GPHN: variants seen among roughly 807,000 people sequenced by gnomAD.
GPHN encodes the protein gephyrin.
Under a neutral mutation model 95.5 loss-of-function variants are expected in GPHN, and 17 were observed. The observed-to-expected ratio is 0.18, with a 90% CI of 0.12 to 0.27. The LOEUF (loss-of-function observed/expected upper bound fraction) is 0.27. GPHN is among the 10% of genes least tolerant of loss of function. GPHN has a pLI of 1.00. For synonymous variants in GPHN, 320 were observed against 322.5 expected (o/e 0.99, Z 0.08); for missense variants, 660 against 978.1 (o/e 0.67, Z 4.34).
the GPHN span, among the ~76,000 whole-genome samples, chr14:67,336,026 C>A: frequency 3.9e-5 from 6 of 152,118 alleles, no homozygotes; most frequent in African/African-American, 1.4e-4. Context: ...TTATTAAAAC[C>A]AACAACTAAG....
the GPHN span, chr14:67,651,447 T>C: frequency 6.2e-7 from 1 of 1,613,844 alleles, no homozygotes; most frequent in African/African-American, 1.3e-5. Flanking sequence ...TCCAGTAAGA[T>C]GATAATGGAA....
At chr14:66,670,571 T>A (rs553155105) in intron 1 of GPHN, among the ~76,000 whole-genome samples, 73 of 152,274 alleles carry the variant, frequency 4.8e-4, no homozygotes, top group Middle Eastern at 3.4e-3. Flanking sequence ...GGTGGGTGGA[T>A]TGCTTGAGCT....
chr14:67,169,993 G>C (rs575832640), intron 21 of GPHN, among the ~76,000 whole-genome samples: 3 of 152,240 alleles, frequency 2.0e-5, no homozygotes, highest in African/African-American at 7.2e-5. Flanking sequence ...CAGGAGAATC[G>C]CTTGAACCCG....
the GPHN span, among the ~76,000 whole-genome samples, chr14:67,620,663 G>A: frequency 6.6e-6 from 1 of 152,066 alleles, no homozygotes; most frequent in East Asian, 1.9e-4. Context: ...TCTCTGGCCC[G>A]AGCCAGCCCC....
intron 16 of GPHN, among the ~76,000 whole-genome samples, chr14:67,119,643 A>G (rs2078895142): frequency 6.6e-6 from 1 of 152,038 alleles, no homozygotes; most frequent in Non-Finnish European, 1.5e-5. Flanking sequence ...ATACAAAATT[A>G]GCCGGGCGTG....
chr14:67,236,526 G>T, the GPHN span, among the ~76,000 whole-genome samples: 1 of 152,130 alleles, frequency 6.6e-6, no homozygotes, highest in African/African-American at 2.4e-5. Context: ...ACAATGCTTA[G>T]CCCATTAAAT....
chr14:66,812,326 C>A (rs1030113652), intron 3 of GPHN, among the ~76,000 whole-genome samples: 1 of 152,090 alleles, frequency 6.6e-6, no homozygotes, highest in African/African-American at 2.4e-5. Context: ...TTAAAAAAAT[C>A]AATATTATAA....
In GPHN at chr14:66,875,067, A is replaced by T. The variant is rs1231484962; in HGVS notation, c.295-4872A>T. 2.0e-5 allele frequency among the ~76,000 whole-genome samples: 3 copies of T among 152,184 alleles called. No individual in the cohort carries two copies. The East Asian group carries it at 5.8e-4, about 29-fold the overall frequency. On this transcript the variant is annotated intron_variant, in intron 4 of 22. Coordinates refer to ENST00000478722, the MANE Select transcript of GPHN (RefSeq NM_020806.5). ...GCTAATGGCAGATCTCTCGGCAGAA[A>T]CCCAACAAGCCAGAAGAGAGTGGGT...
the GPHN span, among the ~76,000 whole-genome samples, chr14:67,424,513 T>C: frequency 7.7e-4 from 111 of 143,676 alleles, 2 homozygotes; most frequent in South Asian, 0.023. Context: ...GTGGGGGGAG[T>C]GCTTGAGCCT....
intron 1 of GPHN, among the ~76,000 whole-genome samples, chr14:66,608,366 G>A (rs1308543005): frequency 6.6e-6 from 1 of 151,814 alleles, no homozygotes; most frequent in African/African-American, 2.4e-5. Context: ...ATATGATTTT[G>A]ATTTTTTTGA....
chr14:66,641,944 TAAG>T (rs1476494835), intron 1 of GPHN, among the ~76,000 whole-genome samples: 2 of 152,096 alleles, frequency 1.3e-5, no homozygotes, highest in Non-Finnish European at 2.9e-5. Flanking sequence ...AAGGCAATCT[TAAG>T]GAGTAACAAA....
the GPHN span, among the ~76,000 whole-genome samples, chr14:67,484,536 C>A: frequency 6.6e-6 from 1 of 152,186 alleles, no homozygotes; most frequent in Non-Finnish European, 1.5e-5. Context: ...TCCCTGTAAT[C>A]ACACATCTTA....
chr14:66,775,044 G>C (rs761572705), intron 2 of GPHN, among the ~76,000 whole-genome samples: 4 of 151,222 alleles, frequency 2.6e-5, no homozygotes, highest in Admixed American at 6.6e-5. Flanking sequence ...TTTTATTTTA[G>C]TTCAGGGTGT....
intron 1 of GPHN, among the ~76,000 whole-genome samples, chr14:66,561,446 C>T (rs909711462): frequency 1.3e-5 from 2 of 151,982 alleles, no homozygotes; most frequent in African/African-American, 4.8e-5. Context: ...TGTATTCTGT[C>T]GAATCCTGAG....
chr14:66,596,714 G>A lies in GPHN; in HGVS notation c.65-84393G>A, dbSNP rs141391573. On this transcript the variant is annotated intron_variant, in intron 1 of 22. Transcript: ENST00000478722. ...GGAGCAGTCACTTACAAGCTTGTGGGTCAGCAGGGCTTCCTGGGTCCCCAA... is the reference window on the plus strand; with the variant it reads ...GGAGCAGTCACTTACAAGCTTGTGGATCAGCAGGGCTTCCTGGGTCCCCAA... 3.3e-3 allele frequency among the ~76,000 whole-genome samples: 502 copies of A among 152,330 alleles called. 1 individual carries two copies. Among genetic ancestry groups the A allele is most frequent in the African/African-American group, 0.012 (487 of 41,588 alleles).
the GPHN span, among the ~76,000 whole-genome samples, chr14:67,531,559 A>G: frequency 7.2e-5 from 11 of 151,744 alleles, no homozygotes; most frequent in Admixed American, 3.3e-4. Flanking sequence ...AGGGGAGAGC[A>G]TGCTCCTCCC....
At chr14:66,582,083 A>G (rs1390976623) in intron 1 of GPHN, among the ~76,000 whole-genome samples, 1 of 152,006 alleles carries the variant, frequency 6.6e-6, no homozygotes, top group Non-Finnish European at 1.5e-5. Context: ...CAGAATCCAC[A>G]TTTTTCTCGA....
chr14:67,426,655 A>G, the GPHN span, among the ~76,000 whole-genome samples: 1 of 152,070 alleles, frequency 6.6e-6, no homozygotes, highest in Non-Finnish European at 1.5e-5. Flanking sequence ...GGCTCACCGC[A>G]ACCTCCGCCT....
rs1357534682 is a variant in GPHN at position 66,664,004 on chromosome 14, G to A, written c.65-17103G>A. Among the ~76,000 whole-genome samples, 7 of 152,166 alleles carry A rather than the reference G, an allele frequency of 4.6e-5. No individual in the cohort carries two copies. In the East Asian group the frequency reaches 1.3e-3, roughly 29 times the overall value. On this transcript the variant is annotated intron_variant, in intron 1 of 22. Transcript: ENST00000478722. ...AACCAAGTTATTAGAGACCTTCAAA[G>A]AGACTTAGACTCCCACACAATAATA...
Sources: allele counts gnomAD v4.1 joint callset (sites outside exome capture counted in the v4.1 genomes callset), GRCh38; gene constraint gnomAD v4.1.1; transcripts MANE v1.5; gene names NCBI Gene and HGNC (gene_info 2026-07-23, HGNC 2026-07-21).